The following AGBL4 variants were observed in gnomAD, a reference collection of about 807,000 sequenced individuals.
The protein encoded by AGBL4 is AGBL carboxypeptidase 4.
Under a neutral mutation model 66.4 loss-of-function variants are expected in AGBL4, and 58 were observed. The ratio of observed to expected loss-of-function variants is 0.87; its 90% CI spans 0.71 to 1.09. The LOEUF (loss-of-function observed/expected upper bound fraction) is 1.09, where lower values mean the gene tolerates loss of function less well. Ranked by LOEUF, AGBL4 falls within the 50% of genes least tolerant of loss-of-function variation. AGBL4 has a pLI of 0.00. For synonymous variants in AGBL4, 234 were observed against 222.9 expected (o/e 1.05, Z -0.44); for missense variants, 579 against 631.0 (o/e 0.92, Z 0.88).
intron 6 of AGBL4, among the ~76,000 whole-genome samples, chr1:48,737,925 A>C (rs1649324348): frequency 6.6e-6 from 1 of 152,154 alleles, no homozygotes; most frequent in Non-Finnish European, 1.5e-5. Context: ...CATGAGAAGG[A>C]CCTGCCAAAG....
chr1:49,262,638 T>TC (rs1653311720), intron 3 of AGBL4, among the ~76,000 whole-genome samples: 1 of 132,216 alleles, frequency 7.6e-6, no homozygotes, highest in African/African-American at 2.7e-5. Context: ...ATGGCGATCA[T>TC]TAAAAGTCAG....
At chr1:49,380,379 T>C (rs1644574268) in intron 3 of AGBL4, among the ~76,000 whole-genome samples, 1 of 152,172 alleles carries the variant, frequency 6.6e-6, no homozygotes, top group African/African-American at 2.4e-5. Flanking sequence ...TCCATGCTCA[T>C]GGGTAGGAAG....
Position 48,634,580 on chromosome 1 carries a change from C to T in AGBL4, c.864G>A (p.Leu288=), listed in dbSNP as rs772408580. 1 of 1,603,154 alleles carries T rather than the reference C, an allele frequency of 6.2e-7. No individual in the cohort carries two copies. The change falls in exon 9 of 14, where the codon CTG becomes CTA. Residue 288 remains leucine, a synonymous_variant. Transcript: ENST00000371839. The part of the protein sequence containing the change: ...NYRCSLMGFD[L]NRHWLDPSPW... Reference sequence around the variant, plus strand: ...GAGAGGGATCCAGCCAGTGACGATTCAGATCAAATCCCATCAGAGAACACC... The same window carrying T: ...GAGAGGGATCCAGCCAGTGACGATTTAGATCAAATCCCATCAGAGAACACC...
rs369909959 is a variant in AGBL4, at chr1:49,588,621, G to A, written c.282+108692C>T. On this transcript the variant is annotated intron_variant, in intron 3 of 13. Transcript: ENST00000371839. ...TGATTAACACCTGTTCATTTGAACCGCCAACCCAGACATCCTGGTTCGTTC... is the reference window on the plus strand; with the variant it reads ...TGATTAACACCTGTTCATTTGAACCACCAACCCAGACATCCTGGTTCGTTC... 3.7e-4 allele frequency among the ~76,000 whole-genome samples: 56 copies of A among 152,214 alleles called. 1 individual carries two copies. The South Asian group carries it at 9.5e-3, about 26-fold the overall frequency.
intron 5 of AGBL4, among the ~76,000 whole-genome samples, chr1:48,897,869 G>A (rs1350140802): frequency 6.7e-6 from 1 of 149,738 alleles, no homozygotes; most frequent in African/African-American, 2.5e-5. Context: ...GAGTGCAGTG[G>A]CACGATCTCG....
intron 6 of AGBL4, among the ~76,000 whole-genome samples, chr1:48,778,586 C>T (rs1041932121): frequency 6.6e-6 from 1 of 152,100 alleles, no homozygotes; most frequent in African/African-American, 2.4e-5. Context: ...AATAAGTGCA[C>T]CAAAATGTTA....
chr1:48,568,212 A>G (rs960601616), intron 11 of AGBL4, among the ~76,000 whole-genome samples: 1 of 152,038 alleles, frequency 6.6e-6, no homozygotes, highest in African/African-American at 2.4e-5. Flanking sequence ...AGGGAACATA[A>G]AACAGGGACC....
chr1:49,599,786 G>T (rs61783610), intron 3 of AGBL4, among the ~76,000 whole-genome samples: 2,580 of 152,284 alleles, frequency 0.017, 33 homozygotes, highest in Non-Finnish European at 0.027. Flanking sequence ...TGCTTTAGCT[G>T]TGTCCCAGAA....
intron 4 of AGBL4, among the ~76,000 whole-genome samples, chr1:49,065,334 G>T (rs75116134): frequency 6.6e-6 from 1 of 152,332 alleles, no homozygotes; most frequent in Non-Finnish European, 1.5e-5. Flanking sequence ...TTCCTGAAGA[G>T]AGTGGCTTCA....
At chr1:49,686,703 C>A (rs1245071308) in intron 3 of AGBL4, among the ~76,000 whole-genome samples, 1 of 152,048 alleles carries the variant, frequency 6.6e-6, no homozygotes, top group Non-Finnish European at 1.5e-5. Flanking sequence ...CTGGCACACA[C>A]AATAAGTATT....
chr1:49,417,926 T>C (rs1222865215), intron 3 of AGBL4, among the ~76,000 whole-genome samples: 2 of 152,182 alleles, frequency 1.3e-5, no homozygotes, highest in South Asian at 2.1e-4. Context: ...CTGTATAATA[T>C]GGTCCACAGT....
intron 3 of AGBL4, among the ~76,000 whole-genome samples, chr1:49,610,833 T>C (rs1645141772): frequency 6.6e-6 from 1 of 152,158 alleles, no homozygotes; most frequent in African/African-American, 2.4e-5. Context: ...TTGACTAAGA[T>C]ACAAACCAAA....
chr1:49,047,658 G>A (rs775764508), intron 4 of AGBL4, among the ~76,000 whole-genome samples: 1 of 152,126 alleles, frequency 6.6e-6, no homozygotes, highest in African/African-American at 2.4e-5. Flanking sequence ...GAAGAATGAG[G>A]ATTTCTTGAG....
intron 3 of AGBL4, among the ~76,000 whole-genome samples, chr1:49,491,209 C>T (rs559091174): frequency 6.6e-6 from 1 of 151,880 alleles, no homozygotes; most frequent in East Asian, 1.9e-4. Context: ...AAAGGGCACA[C>T]AGTAACATTA....
At chr1:48,732,313 T>C (rs988121989) in intron 6 of AGBL4, among the ~76,000 whole-genome samples, 7 of 152,182 alleles carry the variant, frequency 4.6e-5, no homozygotes, top group East Asian at 1.9e-4. Flanking sequence ...ACTTTGATCA[T>C]AGATCAAGAA....
intron 1 of AGBL4, among the ~76,000 whole-genome samples, chr1:49,874,617 T>A (rs1646928307): frequency 6.6e-6 from 1 of 152,144 alleles, no homozygotes; most frequent in African/African-American, 2.4e-5. Context: ...AATCCTGTTC[T>A]CATTCCCTAG....
intron 3 of AGBL4, among the ~76,000 whole-genome samples, chr1:49,292,299 C>G (rs1644555387): frequency 6.6e-6 from 1 of 152,206 alleles, no homozygotes; most frequent in Admixed American, 6.5e-5. Flanking sequence ...CACCTAAAGC[C>G]TGGATGTCAT....
In AGBL4 at chr1:49,504,932, TCTTA is replaced by T. The variant is rs1375495493; in HGVS notation, c.282+192377_282+192380del. ...TAGATCCTTTGTTTCTTTATTTCTCTCTTACTGTCTTCCCTGTGATTAAATGATT... is the reference window on the plus strand; with the variant it reads ...TAGATCCTTTGTTTCTTTATTTCTCTCTGTCTTCCCTGTGATTAAATGATT... On this transcript the variant is annotated intron_variant, in intron 3 of 13. Transcript: ENST00000371839. 2.6e-5 allele frequency among the ~76,000 whole-genome samples: 4 copies of T among 152,146 alleles called. No homozygotes were observed. The East Asian group carries it at 7.7e-4, about 29-fold the overall frequency.
At chr1:49,637,723 ATCTT>A (rs541520258) in intron 3 of AGBL4, among the ~76,000 whole-genome samples, 1 of 152,284 alleles carries the variant, frequency 6.6e-6, no homozygotes, top group African/African-American at 2.4e-5. Context: ...GACTGAAAAA[ATCTT>A]TCTAAACCTA....
Sources: gnomAD v4.1 joint callset for allele counts (sites outside exome capture counted in the v4.1 genomes callset) on GRCh38, gnomAD v4.1.1 for gene constraint, MANE v1.5 for transcripts, NCBI Gene and HGNC (gene_info 2026-07-23, HGNC 2026-07-21) for gene names.